Variants in COX7B2 observed in about 807,000 individuals in gnomAD.
COX7B2 encodes the protein cytochrome c oxidase subunit 7B2.
For synonymous variants in COX7B2, 37 were observed against 32.1 expected (o/e 1.15, Z -0.51); for missense variants, 109 against 95.9 (o/e 1.14, Z -0.57).
At position 46,735,020 on chromosome 4, in the gene COX7B2, G is replaced by T; in HGVS notation, c.173C>A (p.Ala58Asp). ...AFCVATWVFT[A>D]TQIGIEWNLS... ...GTTCCATTCTATTCCAATCTGAGTG[G>T]CTGTAAACACCCATGTAGCAACACA... The change falls in exon 3 of 3, where the codon GCC becomes GAC. Residue 58 changes from alanine (A) to aspartate (D), a missense_variant. Transcript: ENST00000355591. 3 of 1,613,988 alleles carry T rather than the reference G, an allele frequency of 1.9e-6. No homozygotes were observed. Among genetic ancestry groups the T allele is most frequent in the Non-Finnish European group, 2.5e-6 (3 of 1,179,938 alleles).
intron 2 of COX7B2, among the ~76,000 whole-genome samples, chr4:46,801,569 G>C (rs1718659080): frequency 6.6e-6 from 1 of 152,154 alleles, no homozygotes; most frequent in Non-Finnish European, 1.5e-5. Flanking sequence ...CTACTTGAAG[G>C]GAGAGAGTGA....
intron 1 of COX7B2, among the ~76,000 whole-genome samples, chr4:46,880,410 G>A (rs112052650): frequency 0.017 from 2,035 of 118,282 alleles, 33 homozygotes; most frequent in Non-Finnish European, 0.025. Flanking sequence ...TCAGGTCCTG[G>A]GCTTTTTTTT....
intron 1 of COX7B2, among the ~76,000 whole-genome samples, chr4:46,854,692 T>C (rs916173676): frequency 6.6e-6 from 1 of 152,184 alleles, no homozygotes; most frequent in Non-Finnish European, 1.5e-5. Context: ...AAGATGTTTA[T>C]TACAGAATAT....
In COX7B2 at chr4:46,752,867, G is replaced by A. The variant is rs540732954; in HGVS notation, c.-49-17626C>T. On this transcript the variant is annotated intron_variant, in intron 2 of 2. Transcript: ENST00000355591. Reference sequence around the variant, plus strand: ...TGCATCGATGTTCATCAGCGATATTGGTCTAAAATTCTCTTTTTGTGTTGT... The same window carrying A: ...TGCATCGATGTTCATCAGCGATATTAGTCTAAAATTCTCTTTTTGTGTTGT... Among the ~76,000 whole-genome samples the A allele has an allele frequency of 4.7e-4, 72 of 152,204 alleles. 1 individual carries two copies. The highest frequency in any genetic ancestry group is 1.3e-3 in the Admixed American group (20 of 15,270).
intron 2 of COX7B2, among the ~76,000 whole-genome samples, chr4:46,765,232 C>T (rs753048673): frequency 6.6e-6 from 1 of 152,066 alleles, no homozygotes; most frequent in African/African-American, 2.4e-5. Flanking sequence ...TAAGAAAAGA[C>T]GCACTGAAGA....
At chr4:46,751,108 T>C (rs1419318429) in intron 2 of COX7B2, among the ~76,000 whole-genome samples, 2 of 151,376 alleles carry the variant, frequency 1.3e-5, no homozygotes, top group Non-Finnish European at 2.9e-5. Flanking sequence ...TTCAGTTTTC[T>C]GGAATAGACA....
chr4:46,801,706 CCT>C (rs1718665910), intron 2 of COX7B2, among the ~76,000 whole-genome samples: 1 of 152,058 alleles, frequency 6.6e-6, no homozygotes, highest in South Asian at 2.1e-4. Context: ...ACATGTATCC[CCT>C]GAACCTAAAA....
intron 2 of COX7B2, among the ~76,000 whole-genome samples, chr4:46,810,596 C>T (rs755811037): frequency 5.3e-5 from 8 of 151,996 alleles, no homozygotes; most frequent in Non-Finnish European, 1.0e-4. Context: ...CTATTGTGTA[C>T]TTTGTAACAT....
chr4:46,783,888 C>T (rs1717612366), intron 2 of COX7B2, among the ~76,000 whole-genome samples: 1 of 152,194 alleles, frequency 6.6e-6, no homozygotes. Context: ...ATTATCAGCA[C>T]TCTGAATTTG....
At chr4:46,836,318 T>A (rs1026285966) in intron 2 of COX7B2, among the ~76,000 whole-genome samples, 3 of 152,116 alleles carry the variant, frequency 2.0e-5, no homozygotes, top group Admixed American at 6.5e-5. Flanking sequence ...TATTTTTATA[T>A]CCTTATTCTA....
intron 2 of COX7B2, among the ~76,000 whole-genome samples, chr4:46,791,330 T>C (rs1718037832): frequency 6.6e-6 from 1 of 152,162 alleles, no homozygotes; most frequent in African/African-American, 2.4e-5. Flanking sequence ...CATTTTTAAG[T>C]AGAAATAACA....
chr4:46,767,718 T>G lies in COX7B2; in HGVS notation c.-49-32477A>C, dbSNP rs568347758. On this transcript the variant is annotated intron_variant, in intron 2 of 2. Transcript: ENST00000355591. ...AGAAAAACTGGAAATTTCACAAGTA[T>G]GTGAAAATAAAACATACTCCTCAAA... Among the ~76,000 whole-genome samples, 6 of 152,304 alleles carry G rather than the reference T, an allele frequency of 3.9e-5. No individual in the cohort carries two copies. In the South Asian group the frequency reaches 1.2e-3, roughly 32 times the overall value.
intron 1 of COX7B2, among the ~76,000 whole-genome samples, chr4:46,870,514 A>G (rs1396237444): frequency 6.6e-6 from 1 of 152,148 alleles, no homozygotes; most frequent in Non-Finnish European, 1.5e-5. Context: ...AAGAAAGTGC[A>G]TCCAAATACG....
intron 2 of COX7B2, among the ~76,000 whole-genome samples, chr4:46,788,245 G>A (rs1717854642): frequency 6.6e-6 from 1 of 151,886 alleles, no homozygotes; most frequent in Non-Finnish European, 1.5e-5. Flanking sequence ...TTAAATCAAA[G>A]ATAAATAGAA....
chr4:46,809,974 T>A (rs890816907), intron 2 of COX7B2, among the ~76,000 whole-genome samples: 1 of 152,044 alleles, frequency 6.6e-6, no homozygotes, highest in Non-Finnish European at 1.5e-5. Flanking sequence ...GATAAACTTA[T>A]TCATGACATT....
At chr4:46,839,745 A>G (rs1278682525) in intron 2 of COX7B2, among the ~76,000 whole-genome samples, 3 of 152,052 alleles carry the variant, frequency 2.0e-5, no homozygotes, top group Non-Finnish European at 1.5e-5. Context: ...GCTTATTGCA[A>G]TTAATTTTAT....
intron 2 of COX7B2, among the ~76,000 whole-genome samples, chr4:46,825,660 G>C (rs1431075215): frequency 3.9e-5 from 6 of 152,106 alleles, no homozygotes; most frequent in Non-Finnish European, 8.8e-5. Context: ...AACCAAAACA[G>C]CATGGTAATT....
chr4:46,896,606 T>C (rs1719775587), intron 1 of COX7B2, among the ~76,000 whole-genome samples: 1 of 151,856 alleles, frequency 6.6e-6, no homozygotes, highest in African/African-American at 2.4e-5. Flanking sequence ...GGGACTATTT[T>C]CCTGGTTCAT....
chr4:46,742,099 G>A (rs139606782), intron 2 of COX7B2, among the ~76,000 whole-genome samples: 1 of 152,220 alleles, frequency 6.6e-6, no homozygotes, highest in South Asian at 2.1e-4. Context: ...TGAGTGACCT[G>A]AAAGAGTTAT....
Sources: gnomAD v4.1 joint callset for allele counts (sites outside exome capture counted in the v4.1 genomes callset) on GRCh38, gnomAD v4.1.1 for gene constraint, MANE v1.5 for transcripts, NCBI Gene and HGNC (gene_info 2026-07-23, HGNC 2026-07-21) for gene names.